UBE2O: variants seen among roughly 807,000 people sequenced by gnomAD.
UBE2O encodes (E3-independent) E2 ubiquitin-conjugating enzyme.
Under a neutral mutation model 125.8 loss-of-function variants are expected in UBE2O, and 15 were observed. That is an observed-to-expected ratio of 0.12 (90% CI 0.08 to 0.18). UBE2O has a LOEUF of 0.18. Among genes scored for constraint, UBE2O ranks in the 10% least tolerant of loss-of-function variants. UBE2O has a pLI of 1.00. For synonymous variants in UBE2O, 708 were observed against 703.2 expected (o/e 1.01, Z -0.11); for missense variants, 1,280 against 1,723.6 (o/e 0.74, Z 4.56).
intron 1 of UBE2O, among the ~76,000 whole-genome samples, chr17:76,449,499 C>T (rs1450940345): frequency 1.3e-5 from 2 of 152,224 alleles, no homozygotes; most frequent in African/African-American, 4.8e-5. Flanking sequence ...CACTTGAACC[C>T]GGGAAGTTGA....
chr17:76,392,883 C>T (rs1259517700), intron 15 of UBE2O, among the ~76,000 whole-genome samples: 3 of 151,106 alleles, frequency 2.0e-5, no homozygotes, highest in African/African-American at 4.9e-5. Context: ...AACCCGGAGG[C>T]GGAGGTTGCA....
chr17:76,402,802 T>A lies in UBE2O; in HGVS notation c.589-103A>T. ...ACCGAAGACAGGATGGGGGAGGATC[T>A]AGACAGCTCACTGACTGGACCGGTT... On this transcript the variant is annotated intron_variant, in intron 3 of 17. Coordinates refer to ENST00000319380, the MANE Select transcript of UBE2O (RefSeq NM_022066.4). The surrounding 1 kb of genome is among the most constrained non-coding windows in gnomAD (Gnocchi z 5.4). The A allele has an allele frequency of 1.0e-6, 1 of 979,846 alleles. No homozygotes were observed. Among genetic ancestry groups the A allele is most frequent in the Non-Finnish European group, 1.6e-6 (1 of 617,596 alleles). The allele number at this position is 979,846 out of a possible 1,614,324, so 60.7% of individuals were successfully genotyped here. A position where few individuals can be genotyped will look rare whatever the true frequency, so the allele number is the denominator to read the frequency against.
At position 76,452,400 on chromosome 17, in the gene UBE2O, G is replaced by A. The variant is rs941461727; in HGVS notation, c.417+325C>T. Among the ~76,000 whole-genome samples, 2 of 152,090 alleles carry A rather than the reference G, an allele frequency of 1.3e-5. No individual in the cohort carries two copies. Among genetic ancestry groups the A allele is most frequent in the African/African-American group, 2.4e-5 (1 of 41,410 alleles). ...GCCGCACTGGTGTAACGCCGAACGC[G>A]CCCCAGAACCTGAGTCCCCACGGGA... is the stretch of plus-strand genomic sequence containing the variant. On this transcript the variant is annotated intron_variant, in intron 1 of 17. Coordinates refer to ENST00000319380, the MANE Select transcript of UBE2O (RefSeq NM_022066.4). This position sits in a 1 kb window ranked among gnomAD's most constrained non-coding sequence, Gnocchi z 4.4.
At chr17:76,436,040 A>G (rs1489147887) in intron 1 of UBE2O, among the ~76,000 whole-genome samples, 1 of 152,202 alleles carries the variant, frequency 6.6e-6, no homozygotes, top group Non-Finnish European at 1.5e-5. Context: ...TGAGCTCAGG[A>G]GTATGAGACT....
chr17:76,430,620 G>A lies in UBE2O; in HGVS notation c.417+22105C>T, dbSNP rs1490822469. Reference sequence around the variant, plus strand: ...AGACTGATCAATCAAAGTGTTATCTGTCAAAGCAATTCGCTTCTTATTGAT... The same window carrying A: ...AGACTGATCAATCAAAGTGTTATCTATCAAAGCAATTCGCTTCTTATTGAT... On this transcript the variant is annotated intron_variant, in intron 1 of 17. Coordinates refer to ENST00000319380, the MANE Select transcript of UBE2O (RefSeq NM_022066.4). The A allele has an allele frequency of 3.3e-5, 11 of 334,778 alleles. No homozygotes were observed. The East Asian group carries it at 9.6e-4, about 29-fold the overall frequency. 20.7% of individuals were successfully genotyped at this position (334,778 alleles called of 1,614,324 possible).
At chr17:76,401,977 A>G in intron 5 of UBE2O, 87 bp downstream of exon 5, 1 of 1,410,418 alleles carries the variant, frequency 7.1e-7, no homozygotes, top group Non-Finnish European at 9.7e-7. Flanking sequence ...CGCTCTGTTT[A>G]GCTGGGTCCA....
At chr17:76,420,793 C>T (rs891829418) in intron 1 of UBE2O, among the ~76,000 whole-genome samples, 8 of 152,164 alleles carry the variant, frequency 5.3e-5, no homozygotes, top group African/African-American at 1.7e-4. Context: ...CATTCAAAAT[C>T]GGCCTGCCAC....
intron 1 of UBE2O, among the ~76,000 whole-genome samples, chr17:76,434,774 CTTTTTTT>C (rs751998179): frequency 1.4e-4 from 20 of 139,160 alleles, no homozygotes; most frequent in African/African-American, 5.0e-4. Context: ...TTCACTTAAG[CTTTTTTT>C]TTTTTTTTTT....
intron 1 of UBE2O, among the ~76,000 whole-genome samples, chr17:76,438,090 G>A (rs900463122): frequency 3.3e-5 from 5 of 152,154 alleles, no homozygotes; most frequent in African/African-American, 1.2e-4. Flanking sequence ...TTGAGTCTCT[G>A]CCACGCTTCC....
chr17:76,417,395 T>C (rs1170153754), intron 1 of UBE2O, among the ~76,000 whole-genome samples: 2 of 152,216 alleles, frequency 1.3e-5, no homozygotes, highest in Non-Finnish European at 1.5e-5. Context: ...CAGAACACAA[T>C]GCAAAATTTC....
intron 1 of UBE2O, among the ~76,000 whole-genome samples, chr17:76,426,571 T>C (rs2072814072): frequency 1.3e-5 from 2 of 152,236 alleles, no homozygotes; most frequent in Non-Finnish European, 1.5e-5. Flanking sequence ...TTGAAAGCTT[T>C]AAACACTATT....
chr17:76,448,949 C>T (rs2143927527), intron 1 of UBE2O, among the ~76,000 whole-genome samples: 1 of 152,364 alleles, frequency 6.6e-6, no homozygotes, highest in South Asian at 2.1e-4. Context: ...GGTCAGAAGA[C>T]TGGAGAAAGG....
chr17:76,408,185 T>A (rs1242123707), intron 1 of UBE2O, among the ~76,000 whole-genome samples: 1 of 152,242 alleles, frequency 6.6e-6, no homozygotes, highest in South Asian at 2.1e-4. Flanking sequence ...TGCCCCCGTA[T>A]GCACAACCTG....
At chr17:76,444,486 G>A (rs1482047462) in intron 1 of UBE2O, among the ~76,000 whole-genome samples, 1 of 152,058 alleles carries the variant, frequency 6.6e-6, no homozygotes, top group African/African-American at 2.4e-5. Flanking sequence ...GCAGTAAGGT[G>A]TGATCACGCC....
intron 1 of UBE2O, among the ~76,000 whole-genome samples, chr17:76,432,891 T>C (rs2072926756): frequency 6.6e-6 from 1 of 152,206 alleles, no homozygotes; most frequent in South Asian, 2.1e-4. Flanking sequence ...GCAATACCCA[T>C]GCATGCCCAC....
chr17:76,452,667 C>T lies in UBE2O; in HGVS notation c.417+58G>A. ...GGCCCTGCACGCCGTCCTTCCCTGGCCTCGGCCCGGCCGCCGACCCCCTGC... is the reference window on the plus strand; with the variant it reads ...GGCCCTGCACGCCGTCCTTCCCTGGTCTCGGCCCGGCCGCCGACCCCCTGC... On this transcript the variant is annotated intron_variant, in intron 1 of 17. Coordinates refer to ENST00000319380, the MANE Select transcript of UBE2O (RefSeq NM_022066.4). The surrounding 1 kb of genome is among the most constrained non-coding windows in gnomAD (Gnocchi z 4.4). 7.5e-7 allele frequency: 1 copy of T among 1,335,612 alleles called. No individual in the cohort carries two copies. Among genetic ancestry groups the T allele is most frequent in the Non-Finnish European group, 9.5e-7 (1 of 1,051,750 alleles). 82.7% of individuals were successfully genotyped at this position (1,335,612 alleles called of 1,614,324 possible).
In UBE2O at chr17:76,405,046, G is replaced by A. The variant is rs371135396; in HGVS notation, c.588+160C>T. Among the ~76,000 whole-genome samples, 9 of 152,190 alleles carry A rather than the reference G, an allele frequency of 5.9e-5. 1 individual carries two copies. The highest frequency in any genetic ancestry group is 1.9e-4 in the African/African-American group (8 of 41,446). On this transcript the variant is annotated intron_variant, in intron 3 of 17. Transcript: ENST00000319380. This position sits in a 1 kb window ranked among gnomAD's most constrained non-coding sequence, Gnocchi z 6.1. Reference sequence around the variant, plus strand: ...TCTAAATGGCTTACTTGAAAGCAGCGAAAACAAGGCTACAGGAGCCAGCTG... The same window carrying A: ...TCTAAATGGCTTACTTGAAAGCAGCAAAAACAAGGCTACAGGAGCCAGCTG...
Position 76,405,454 on chromosome 17 carries a change from T to C in UBE2O, c.477+59A>G. The C allele has an allele frequency of 2.3e-5, 35 of 1,555,220 alleles. No individual in the cohort carries two copies. The South Asian group carries it at 3.0e-4, about 13-fold the overall frequency. ...CATGCAGAGTGCGAGGTGGGCAGGC[T>C]CAAGTCCCTAAGGTGGCTGCCCCCA... On this transcript the variant is annotated intron_variant, in intron 2 of 17. Coordinates refer to ENST00000319380, the MANE Select transcript of UBE2O (RefSeq NM_022066.4). This position sits in a 1 kb window ranked among gnomAD's most constrained non-coding sequence, Gnocchi z 6.1.
At chr17:76,416,196 GTATATGTGTGTGTATATGTATGTATA>G (rs1489586407) in intron 1 of UBE2O, among the ~76,000 whole-genome samples, 1 of 151,502 alleles carries the variant, frequency 6.6e-6, no homozygotes, top group Non-Finnish European at 1.5e-5. Context: ...ATGTATATGT[GTATATGTGTGTGTATATGTATGTATA>G]TGTATATGTG....
Sources: allele counts gnomAD v4.1 joint callset (sites outside exome capture counted in the v4.1 genomes callset), GRCh38; gene constraint gnomAD v4.1.1; non-coding constraint Gnocchi (gnomAD v3.1); transcripts MANE v1.5; gene names NCBI Gene and HGNC (gene_info 2026-07-23, HGNC 2026-07-21).